Variants in EWSR1 observed in about 807,000 individuals in gnomAD.
EWSR1 encodes the protein EWS RNA binding protein 1.
In EWSR1, 14 loss-of-function variants were observed where a neutral mutation model predicts 92.1. That is an observed-to-expected ratio of 0.15 (90% CI 0.10 to 0.24). The LOEUF (loss-of-function observed/expected upper bound fraction) is 0.24, where lower values mean the gene tolerates loss of function less well. Ranked by LOEUF, EWSR1 falls within the 10% of genes least tolerant of loss-of-function variation. The probability of loss-of-function intolerance (pLI) is 1.00; values close to 1 mark genes in which losing one functional copy is unlikely to be tolerated. For synonymous variants in EWSR1, 303 were observed against 292.9 expected (o/e 1.03, Z -0.35); for missense variants, 637 against 870.9 (o/e 0.73, Z 3.38).
At chr22:29,268,912 C>T (rs1449264450) in intron 1 of EWSR1, among the ~76,000 whole-genome samples, 1 of 152,254 alleles carries the variant, frequency 6.6e-6, no homozygotes, top group Non-Finnish European at 1.5e-5. Flanking sequence ...TCTGGCGCTG[C>T]CGAGCTGCCC....
chr22:29,299,138 CTT>C, intron 14 of EWSR1, 94 bp from the exon 15 acceptor site: 1 of 1,605,784 alleles, frequency 6.2e-7, no homozygotes, highest in Non-Finnish European at 8.5e-7. Context: ...CATAGATCCT[CTT>C]GATAGTGAGT....
At position 29,298,727 on chromosome 22, in the gene EWSR1, T is replaced by C. The variant is rs1426448666; in HGVS notation, c.1418-6T>C. 1 of 1,612,980 alleles carries C rather than the reference T, an allele frequency of 6.2e-7. No individual in the cohort carries two copies. The highest frequency in any genetic ancestry group is 1.1e-5 in the South Asian group (1 of 91,030). ...GATTTGCTGTTTCTTGTTGTTCTTG[T>C]TGTAGGTCCAGGAGGCCCAGGAGGT... On this transcript the variant is annotated splice_polypyrimidine_tract_variant and splice_region_variant and intron_variant, in intron 13 of 16. Coordinates refer to ENST00000397938, the MANE Select transcript of EWSR1 (RefSeq NM_005243.4).
At chr22:29,268,706 A>G (rs889228063) in intron 1 of EWSR1, among the ~76,000 whole-genome samples, 23 of 152,208 alleles carry the variant, frequency 1.5e-4, no homozygotes, top group African/African-American at 5.5e-4. Context: ...GGATTTGGCC[A>G]GGCCTCAAGC....
At position 29,299,740 on chromosome 22, in the gene EWSR1, G is replaced by T; in HGVS notation, c.1820G>T (p.Arg607Leu). 6.2e-7 allele frequency: 1 copy of T among 1,610,930 alleles called. No homozygotes were observed. Among genetic ancestry groups the T allele is most frequent in the Non-Finnish European group, 8.5e-7 (1 of 1,178,158 alleles). The change falls in exon 16 of 17, where the codon CGA becomes CTA. Residue 607 changes from arginine to leucine, a missense_variant. This residue lies in a region of EWSR1 where 363 missense variants were observed against 447.8 expected (regional missense o/e 0.81). Coordinates refer to ENST00000397938, the MANE Select transcript of EWSR1 (RefSeq NM_005243.4). ...TTCCGTGGTGGCCGGGGCATGGACC[G>T]AGGTGGCTTTGGTGGAGGAAGACGA... is the stretch of plus-strand genomic sequence containing the variant. ...GGFRGGRGMDRGGFGGGRRGG... is the reference protein window; with the variant it reads ...GGFRGGRGMDLGGFGGGRRGG...
Position 29,296,257 on chromosome 22 carries a change from C to A in EWSR1, c.1183C>A (p.Gln395Lys), listed in dbSNP as rs764581545. The part of the protein sequence containing the change: ...GVVKMNKRTG[Q>K]PMIHIYLDKE... ...TGTCTAGATGAACAAGAGAACTGGG[C>A]AACCCATGATCCACATCTACCTGGA... is the stretch of plus-strand genomic sequence containing the variant. Residue 395 changes from glutamine to lysine, a missense_variant, in exon 12 of 17, where the codon CAA becomes AAA. Coordinates refer to ENST00000397938, the MANE Select transcript of EWSR1 (RefSeq NM_005243.4). The A allele has an allele frequency of 1.9e-6, 3 of 1,613,978 alleles. No individual in the cohort carries two copies. The highest frequency in any genetic ancestry group is 2.2e-5 in the East Asian group (1 of 44,896).
At chr22:29,280,174 T>A (rs1171657842) in intron 5 of EWSR1, among the ~76,000 whole-genome samples, 1 of 152,038 alleles carries the variant, frequency 6.6e-6, no homozygotes, top group Admixed American at 6.5e-5. Context: ...TTCAAGCAAT[T>A]CTCCTGGCTT....
chr22:29,274,888 G>A (rs930415680), intron 4 of EWSR1, among the ~76,000 whole-genome samples: 6 of 152,092 alleles, frequency 3.9e-5, no homozygotes, highest in Admixed American at 2.0e-4. Flanking sequence ...GTCTCCCCCT[G>A]CCCTTTTATT....
chr22:29,298,845 T>G lies in EWSR1; in HGVS notation c.1530T>G (p.Ser510=), dbSNP rs749000594. 5.7e-6 allele frequency: 9 copies of G among 1,585,792 alleles called. No individual in the cohort carries two copies. The South Asian group carries it at 1.0e-4, about 18-fold the overall frequency. The change falls in exon 14 of 17, where the codon TCT becomes TCG. Residue 510 remains serine, a synonymous_variant. Coordinates refer to ENST00000397938, the MANE Select transcript of EWSR1 (RefSeq NM_005243.4). ...RGPRGSRGNP[S]GGGNVQHRAG... ...CCCGGGGTTCCCGAGGGAACCCCTCTGGAGGAGGAAACGTCCAGCACCGAG... is the reference window on the plus strand; with the variant it reads ...CCCGGGGTTCCCGAGGGAACCCCTCGGGAGGAGGAAACGTCCAGCACCGAG...
intron 3 of EWSR1, among the ~76,000 whole-genome samples, chr22:29,273,013 A>G (rs1022876280): frequency 2.0e-5 from 3 of 152,232 alleles, no homozygotes; most frequent in Admixed American, 2.0e-4. Context: ...TGCCATGGAA[A>G]CATGTTCTAG....
chr22:29,280,262 T>TTCA (rs1287656793), intron 5 of EWSR1, among the ~76,000 whole-genome samples: 1 of 152,148 alleles, frequency 6.6e-6, no homozygotes, highest in Non-Finnish European at 1.5e-5. Context: ...GAGGCAAGGT[T>TTCA]TCACTATGTT....
intron 1 of EWSR1, among the ~76,000 whole-genome samples, chr22:29,271,897 A>G (rs1476420884): frequency 1.3e-5 from 2 of 152,186 alleles, no homozygotes; most frequent in Non-Finnish European, 2.9e-5. Context: ...AGTCTGTGAT[A>G]TTGATGATCA....
At chr22:29,269,995 C>A (rs1486950936) in intron 1 of EWSR1, among the ~76,000 whole-genome samples, 1 of 152,212 alleles carries the variant, frequency 6.6e-6, no homozygotes, top group African/African-American at 2.4e-5. Context: ...CAGAGAGTCA[C>A]ATAAGTAATC....
At chr22:29,295,785 G>A in intron 11 of EWSR1, 1 of 227,286 alleles carries the variant, frequency 4.4e-6, no homozygotes, top group East Asian at 6.4e-5. Flanking sequence ...ACTGGAGGAA[G>A]TAGTGGCTGT....
chr22:29,298,782 C>G lies in EWSR1; in HGVS notation c.1467C>G (p.Gly489=), dbSNP rs761755379. 6.8e-6 allele frequency: 11 copies of G among 1,613,374 alleles called. No individual in the cohort carries two copies. The highest frequency in any genetic ancestry group is 9.3e-6 in the Non-Finnish European group (11 of 1,179,776). ...GPGGPMGRMG[G]RGGDRGGFPP... ...GGGGACCCATGGGTCGCATGGGAGG[C>G]CGTGGAGGAGATAGAGGAGGCTTCC... Residue 489 remains glycine (G), a synonymous_variant, in exon 14 of 17, where the codon GGC becomes GGG. Coordinates refer to ENST00000397938, the MANE Select transcript of EWSR1 (RefSeq NM_005243.4).
Position 29,298,032 on chromosome 22 carries a change from G to C in EWSR1, c.1417+83G>C, listed in dbSNP as rs1278789341. 2.1e-6 allele frequency: 3 copies of C among 1,439,634 alleles called. No individual in the cohort carries two copies. The African/African-American group carries it at 4.3e-5, about 20-fold the overall frequency. 89.2% of individuals were successfully genotyped at this position (1,439,634 alleles called of 1,614,324 possible). ...TGAGAAACTTGATTATTAGAGTGAAGAAATATAAAATTGTGTGTAGAGTCA... is the reference window on the plus strand; with the variant it reads ...TGAGAAACTTGATTATTAGAGTGAACAAATATAAAATTGTGTGTAGAGTCA... On this transcript the variant is annotated intron_variant, in intron 13 of 16. Coordinates refer to ENST00000397938, the MANE Select transcript of EWSR1 (RefSeq NM_005243.4).
At chr22:29,273,938 T>G in intron 4 of EWSR1, 74 bp downstream of exon 4, 2 of 1,578,586 alleles carry the variant, frequency 1.3e-6, no homozygotes, top group Non-Finnish European at 1.7e-6. Context: ...TAGTCATGCT[T>G]TCGGATGTAT....
At chr22:29,295,644 T>C (rs544052332) in intron 11 of EWSR1, 1 of 223,892 alleles carries the variant, frequency 4.5e-6, no homozygotes, top group East Asian at 6.5e-5. Context: ...ATGTAAACAA[T>C]TACAGACTAA....
intron 14 of EWSR1, 54 bp downstream of exon 14, chr22:29,298,949 C>T (rs1323690317): frequency 1.3e-6 from 2 of 1,494,510 alleles, no homozygotes; most frequent in East Asian, 2.3e-5. Context: ...ACCCTTCCCT[C>T]ACCCCATCCC....
chr22:29,283,445 T>G (rs1410478385), intron 6 of EWSR1, among the ~76,000 whole-genome samples: 1 of 151,618 alleles, frequency 6.6e-6, no homozygotes, highest in Non-Finnish European at 1.5e-5. Flanking sequence ...AACCTCTGCC[T>G]CCTAGGGATT....
Sources: allele counts gnomAD v4.1 joint callset (sites outside exome capture counted in the v4.1 genomes callset), GRCh38; gene constraint gnomAD v4.1.1; regional missense constraint gnomAD v4.1.1; transcripts MANE v1.5; gene names NCBI Gene and HGNC (gene_info 2026-07-23, HGNC 2026-07-21).